PPEF1: variants seen among roughly 807,000 people sequenced by gnomAD.
The protein encoded by PPEF1 is serine/threonine-protein phosphatase with EF-hands 1.
In PPEF1, 12 loss-of-function variants were observed where a neutral mutation model predicts 53.3. The ratio of observed to expected loss-of-function variants is 0.23; its 90% confidence interval spans 0.14 to 0.36. The LOEUF is 0.36. PPEF1 is among the 10% of genes least tolerant of loss of function. PPEF1 has a pLI of 1.00. For synonymous variants in PPEF1, 165 were observed against 176.7 expected (o/e 0.93, Z 0.52); for missense variants, 334 against 490.4 (o/e 0.68, Z 3.01).
intron 1 of PPEF1, among the ~76,000 whole-genome samples, chrX:18,677,841 C>T (rs1313682733): frequency 1.8e-5 from 2 of 111,432 alleles, no homozygotes; most frequent in East Asian, 2.8e-4. Flanking sequence ...GCGTGTAGCA[C>T]ACATCCTCCC....
Position 18,730,164 on chromosome X carries a change from A to G in PPEF1, c.47-17A>G, listed in dbSNP as rs1326201733. 6.7e-6 allele frequency: 8 copies of G among 1,194,762 alleles called. No homozygotes were observed. The highest frequency in any genetic ancestry group is 3.7e-5 in the South Asian group (2 of 53,401). On this transcript the variant is annotated splice_polypyrimidine_tract_variant and intron_variant, in intron 1 of 15. Transcript: ENST00000470157. Reference sequence around the variant, plus strand: ...GTAACTGTTTTTCTTTGACTTTCATATTCTGTGGGTCTGCAGCACTGAGAG... The same window carrying G: ...GTAACTGTTTTTCTTTGACTTTCATGTTCTGTGGGTCTGCAGCACTGAGAG...
At chrX:18,806,933 T>C (rs932750988) in intron 12 of PPEF1, among the ~76,000 whole-genome samples, 1 of 112,297 alleles carries the variant, frequency 8.9e-6, no homozygotes, top group South Asian at 3.7e-4. Flanking sequence ...AGTGTCTCTC[T>C]CCATGTGATG....
intron 1 of PPEF1, among the ~76,000 whole-genome samples, chrX:18,729,565 T>G (rs1335283527): frequency 8.9e-6 from 1 of 112,259 alleles, no homozygotes; most frequent in African/African-American, 3.2e-5. Flanking sequence ...GCTATGGGTT[T>G]ATTTAATCTA....
rs745653794 is a variant in PPEF1 at position 18,677,554 on chromosome X, A to C, written c.-587+1424A>C. On this transcript the variant is annotated intron_variant, in intron 1 of 20. Transcript: ENST00000689646. Reference sequence around the variant, plus strand: ...GTGAACCCTTTCTGCAGTCCAGAATACGTGTCCACTTCTAAGGACGGTTTC... The same window carrying C: ...GTGAACCCTTTCTGCAGTCCAGAATCCGTGTCCACTTCTAAGGACGGTTTC... Among the ~76,000 whole-genome samples the C allele has an allele frequency of 1.1e-4, 12 of 111,840 alleles. 1 individual carries two copies. Among genetic ancestry groups the C allele is most frequent in the Non-Finnish European group, 2.1e-4 (11 of 53,214 alleles).
intron 9 of PPEF1, among the ~76,000 whole-genome samples, chrX:18,785,262 A>G (rs2046175892): frequency 8.9e-6 from 1 of 111,751 alleles, no homozygotes; most frequent in Admixed American, 9.5e-5. Context: ...CATATCTTTC[A>G]TCACAGTTAC....
chrX:18,782,314 T>C, intron 7 of PPEF1, 52 bp from the exon 8 acceptor site: 1 of 1,025,572 alleles, frequency 9.8e-7, no homozygotes, highest in Non-Finnish European at 1.4e-6. Context: ...GCATGACTCA[T>C]GGAAGTAGGC....
intron 13 of PPEF1, among the ~76,000 whole-genome samples, chrX:18,819,327 T>C (rs1241598356): frequency 2.7e-5 from 3 of 111,708 alleles, no homozygotes; most frequent in Non-Finnish European, 3.8e-5. Flanking sequence ...TTAAAAAAAG[T>C]AAAAGCATAA....
At chrX:18,754,176 C>A (rs986103818) in intron 4 of PPEF1, among the ~76,000 whole-genome samples, 4 of 111,847 alleles carry the variant, frequency 3.6e-5, no homozygotes, top group Non-Finnish European at 7.5e-5. Flanking sequence ...CCCGCTTGTG[C>A]TGAACCATTG....
intron 2 of PPEF1, 31 bp from the exon 3 acceptor site, chrX:18,733,717 T>C: frequency 8.9e-7 from 1 of 1,124,755 alleles, no homozygotes; most frequent in Non-Finnish European, 1.2e-6. Flanking sequence ...TGGGGTTCAC[T>C]AATTGATTAA....
intron 5 of PPEF1, among the ~76,000 whole-genome samples, chrX:18,758,638 C>T (rs2045597810): frequency 9.0e-6 from 1 of 111,327 alleles, no homozygotes; most frequent in Non-Finnish European, 1.9e-5. Context: ...CTCTGACTGG[C>T]AGATGATTCA....
chrX:18,744,183 G>A (rs1021171136), intron 3 of PPEF1, among the ~76,000 whole-genome samples: 9 of 112,051 alleles, frequency 8.0e-5, no homozygotes, highest in South Asian at 3.7e-4. Context: ...GAGCCATTGC[G>A]CCCGGCCTAA....
intron 4 of PPEF1, among the ~76,000 whole-genome samples, chrX:18,750,329 C>T (rs1407535796): frequency 9.0e-6 from 1 of 111,684 alleles, no homozygotes; most frequent in East Asian, 2.8e-4. Context: ...TTGCCTCCTC[C>T]CCACCCCTGG....
intron 12 of PPEF1, among the ~76,000 whole-genome samples, chrX:18,813,716 G>A (rs1428011849): frequency 8.9e-6 from 1 of 111,982 alleles, no homozygotes; most frequent in Non-Finnish European, 1.9e-5. Context: ...CTCTCGTCAA[G>A]TGGAAGAAGT....
intron 13 of PPEF1, among the ~76,000 whole-genome samples, chrX:18,819,000 A>C (rs2046976210): frequency 1.8e-5 from 2 of 111,786 alleles, no homozygotes; most frequent in Non-Finnish European, 3.8e-5. Flanking sequence ...CAAAGTGGCT[A>C]AAGTTGTCCT....
chrX:18,768,210 A>G (rs2045814620), intron 6 of PPEF1, among the ~76,000 whole-genome samples: 3 of 112,279 alleles, frequency 2.7e-5, no homozygotes, highest in Non-Finnish European at 5.6e-5. Flanking sequence ...TTGGCAAACT[A>G]CATCCTGTTG....
At chrX:18,788,230 G>A (rs1328896409) in intron 9 of PPEF1, among the ~76,000 whole-genome samples, 5 of 104,776 alleles carry the variant, frequency 4.8e-5, no homozygotes, top group African/African-American at 1.4e-4. Flanking sequence ...GCGTGAACCC[G>A]GGAGGCGGAG....
chrX:18,749,799 A>G lies in PPEF1; in HGVS notation c.243A>G (p.Arg81=). 1 of 968,068 alleles carries G rather than the reference A, an allele frequency of 1.0e-6. No individual in the cohort carries two copies. The highest frequency in any genetic ancestry group is 1.3e-6 in the Non-Finnish European group (1 of 747,061). The allele number at this position is 968,068 out of a possible 1,213,427, so 79.8% of individuals were successfully genotyped here. Residue 81 remains arginine, a synonymous_variant, in exon 4 of 16, where the codon AGA becomes AGG. Coordinates refer to ENST00000470157, the MANE Select transcript of PPEF1 (RefSeq NM_001377996.1). Reference sequence around the variant, plus strand: ...CTGTCCTTCCTTTTCCAGAATTAAGAAATCAGTCTCTTGAAAGCGAACAGG... The same window carrying G: ...CTGTCCTTCCTTTTCCAGAATTAAGGAATCAGTCTCTTGAAAGCGAACAGG... ...THIHKEELEL[R]NQSLESEQDM...
intron 12 of PPEF1, among the ~76,000 whole-genome samples, chrX:18,809,471 C>T (rs1016433103): frequency 3.6e-5 from 4 of 110,314 alleles, no homozygotes; most frequent in Middle Eastern, 4.6e-3. Flanking sequence ...TTTGGGAGGC[C>T]GAGGCAGGAG....
At chrX:18,711,440 C>A (rs2147296511) in intron 1 of PPEF1, among the ~76,000 whole-genome samples, 1 of 110,992 alleles carries the variant, frequency 9.0e-6, no homozygotes, top group Admixed American at 9.7e-5. Context: ...TACACTTATA[C>A]CCCCTAAATA....
Sources: gnomAD v4.1 joint callset for allele counts (sites outside exome capture counted in the v4.1 genomes callset) on GRCh38, gnomAD v4.1.1 for gene constraint, MANE v1.5 for transcripts, NCBI Gene and HGNC (gene_info 2026-07-23, HGNC 2026-07-21) for gene names.